The following PDPR variants were observed in gnomAD, a reference collection of about 807,000 sequenced individuals.
PDPR encodes the protein pyruvate dehydrogenase phosphatase regulatory subunit.
PDPR carries 50 observed loss-of-function variants against 102.2 expected under a neutral mutation model. The ratio of observed to expected loss-of-function variants is 0.49; its 90% CI spans 0.39 to 0.62. The LOEUF is 0.62. Ranked by LOEUF, PDPR falls within the 20% of genes least tolerant of loss-of-function variation. The pLI is 0.00. For synonymous variants in PDPR, 259 were observed against 406.0 expected (o/e 0.64, Z 4.35); for missense variants, 625 against 1,098.2 (o/e 0.57, Z 6.09).
At chr16:70,127,595 C>G (rs1964106184) in intron 4 of PDPR, among the ~76,000 whole-genome samples, 1 of 152,258 alleles carries the variant, frequency 6.6e-6, no homozygotes, top group African/African-American at 2.4e-5. Flanking sequence ...CGAGACCATC[C>G]TGGCTAACAT....
Position 70,141,605 on chromosome 16 carries a change from T to C in PDPR, c.1316-629T>C, listed in dbSNP as rs537692801. On this transcript the variant is annotated intron_variant, in intron 11 of 18. Coordinates refer to ENST00000288050, the MANE Select transcript of PDPR (RefSeq NM_017990.5). ...CCCACTTAGTAACCTTCTTCTCTGC[T>C]ATGAAGCTTGGTAAGGTTTAGGACC... Among the ~76,000 whole-genome samples, 20 of 152,404 alleles carry C rather than the reference T, an allele frequency of 1.3e-4. No individual in the cohort carries two copies. The South Asian group carries it at 4.1e-3, about 32-fold the overall frequency.
intron 18 of PDPR, among the ~76,000 whole-genome samples, chr16:70,153,960 A>G (rs1028684407): frequency 3.3e-5 from 5 of 152,382 alleles, no homozygotes; most frequent in African/African-American, 1.2e-4. Flanking sequence ...CGGGCGGATC[A>G]CAAGTTCAGG....
intron 17 of PDPR, 183 bp downstream of exon 17, chr16:70,148,736 C>T: frequency 4.8e-6 from 3 of 631,304 alleles, no homozygotes; most frequent in Middle Eastern, 3.3e-4. Flanking sequence ...GAGATTTGAC[C>T]ATTTTTAACT....
intron 18 of PDPR, among the ~76,000 whole-genome samples, chr16:70,154,221 G>A (rs60929166): frequency 0.036 from 5,404 of 148,806 alleles, 2 homozygotes; most frequent in African/African-American, 0.05. Context: ...CCAGCTACTC[G>A]GGAGGCTGAG....
At chr16:70,134,377 C>G (rs1014822493) in intron 9 of PDPR, among the ~76,000 whole-genome samples, 2 of 152,052 alleles carry the variant, frequency 1.3e-5, no homozygotes, top group African/African-American at 2.4e-5. Flanking sequence ...AGGCGCCCAC[C>G]ACAACGCAGA....
At position 70,146,040 on chromosome 16, in the gene PDPR, C is replaced by G. The variant is rs1372982728; in HGVS notation, c.1868-94C>G. 8 of 1,490,916 alleles carry G rather than the reference C, an allele frequency of 5.4e-6. No homozygotes were observed. The East Asian group carries it at 1.8e-4, about 34-fold the overall frequency. 92.4% of individuals were successfully genotyped at this position (1,490,916 alleles called of 1,614,324 possible). On this transcript the variant is annotated intron_variant, in intron 15 of 18. Transcript: ENST00000288050. Reference sequence around the variant, plus strand: ...CATATTCCTGGTCTCTGCACCCAGGCCTGGCTATAGCTGAGCAAGTCTACA... The same window carrying G: ...CATATTCCTGGTCTCTGCACCCAGGGCTGGCTATAGCTGAGCAAGTCTACA...
intron 3 of PDPR, among the ~76,000 whole-genome samples, chr16:70,121,965 T>C (rs1191520707): frequency 6.6e-6 from 1 of 152,198 alleles, no homozygotes; most frequent in Non-Finnish European, 1.5e-5. Flanking sequence ...GGGATCTCCC[T>C]GTGTTGCCTA....
chr16:70,149,415 G>A (rs558447002), intron 17 of PDPR, among the ~76,000 whole-genome samples: 9 of 152,310 alleles, frequency 5.9e-5, no homozygotes, highest in Admixed American at 3.9e-4. Flanking sequence ...ACAGGTGCAC[G>A]CCACCACGCC....
rs372554186 is a variant in PDPR, at chr16:70,142,221, G to A, written c.1316-13G>A. On this transcript the variant is annotated splice_polypyrimidine_tract_variant and intron_variant, in intron 11 of 18. Coordinates refer to ENST00000288050, the MANE Select transcript of PDPR (RefSeq NM_017990.5). The stretch of plus-strand genomic sequence containing the variant: ...TGTCTTGGGCTTTGATAGACTACTC[G>A]TGTCTTTTCTAGCTTTGATGTATGA... 38 of 1,613,026 alleles carry A rather than the reference G, an allele frequency of 2.4e-5. No homozygotes were observed. Among genetic ancestry groups the A allele is most frequent in the Non-Finnish European group, 3.0e-5 (35 of 1,179,520 alleles).
At chr16:70,155,215 C>G (rs1338914045) in intron 18 of PDPR, among the ~76,000 whole-genome samples, 2 of 152,192 alleles carry the variant, frequency 1.3e-5, no homozygotes, top group Non-Finnish European at 2.9e-5. Context: ...GGTAATAACC[C>G]ATTTTGGAAA....
At chr16:70,125,342 C>A (rs1179102815) in intron 3 of PDPR, among the ~76,000 whole-genome samples, 1 of 152,050 alleles carries the variant, frequency 6.6e-6, no homozygotes, top group Non-Finnish European at 1.5e-5. Flanking sequence ...TGCCATTGCA[C>A]TCCAATCTGA....
chr16:70,125,661 G>A (rs1293739315), intron 3 of PDPR, among the ~76,000 whole-genome samples: 2 of 151,452 alleles, frequency 1.3e-5, no homozygotes, highest in African/African-American at 4.9e-5. Flanking sequence ...TTAAGATGGA[G>A]TCTTGCTCTG....
At chr16:70,132,656 T>C (rs1238028918) in intron 9 of PDPR, among the ~76,000 whole-genome samples, 8 of 132,984 alleles carry the variant, frequency 6.0e-5, no homozygotes, top group Admixed American at 5.7e-4. Flanking sequence ...GCTTTTTTTT[T>C]TTCTTCTTTT....
intron 18 of PDPR, among the ~76,000 whole-genome samples, chr16:70,155,740 A>G (rs1232878474): frequency 6.6e-6 from 1 of 151,878 alleles, no homozygotes; most frequent in Non-Finnish European, 1.5e-5. Flanking sequence ...ACATATGTGT[A>G]TATATGTGTG....
intron 10 of PDPR, among the ~76,000 whole-genome samples, chr16:70,137,233 G>A (rs1189207115): frequency 6.6e-6 from 1 of 152,132 alleles, no homozygotes. Context: ...GCGGGTGCTT[G>A]TGGTCCCAGC....
intron 16 of PDPR, chr16:70,147,734 T>G (rs1364309970): frequency 2.7e-6 from 1 of 367,354 alleles, no homozygotes; most frequent in East Asian, 7.4e-5. Flanking sequence ...ACAAATTGTT[T>G]CACAGTTTTC....
intron 15 of PDPR, among the ~76,000 whole-genome samples, chr16:70,145,090 T>C (rs1966116577): frequency 1.3e-5 from 2 of 151,614 alleles, no homozygotes; most frequent in African/African-American, 4.8e-5. Context: ...CCATCTCTAC[T>C]AAAAATACAA....
intron 6 of PDPR, among the ~76,000 whole-genome samples, chr16:70,129,431 G>A (rs989810073): frequency 2.6e-5 from 4 of 152,252 alleles, no homozygotes; most frequent in South Asian, 2.1e-4. Flanking sequence ...TGCAACCTTC[G>A]CCTCCTGGGT....
At chr16:70,121,204 C>G (rs1282089129) in intron 3 of PDPR, among the ~76,000 whole-genome samples, 1 of 151,964 alleles carries the variant, frequency 6.6e-6, no homozygotes, top group Non-Finnish European at 1.5e-5. Flanking sequence ...TGTTCTCATT[C>G]CCCAAGAGAA....
Sources: allele counts gnomAD v4.1 joint callset (sites outside exome capture counted in the v4.1 genomes callset), GRCh38; gene constraint gnomAD v4.1.1; transcripts MANE v1.5; gene names NCBI Gene and HGNC (gene_info 2026-07-23, HGNC 2026-07-21).